RBM44: variants seen among roughly 807,000 people sequenced by gnomAD.
RBM44 encodes RNA-binding protein 44.
A neutral mutation model predicts 105.1 loss-of-function variants in RBM44; 66 were observed. The observed-to-expected ratio is 0.63, with a 90% confidence interval of 0.52 to 0.77. RBM44 has a LOEUF of 0.77. Ranked by LOEUF, RBM44 falls within the 30% of genes least tolerant of loss-of-function variation. The pLI is 0.00. For missense variants in RBM44, 1,122 were observed against 1,207.8 expected (o/e 0.93, Z 1.05); for synonymous variants, 365 against 417.6 (o/e 0.87, Z 1.54).
At chr2:237,836,793 A>G (rs1194055674) in intron 15 of RBM44, among the ~76,000 whole-genome samples, 2 of 152,024 alleles carry the variant, frequency 1.3e-5, no homozygotes, top group African/African-American at 4.8e-5. Context: ...AAAAAAAAAA[A>G]AAAAATTAAA....
At chr2:237,827,533 TTATTATGTG>T in intron 12 of RBM44, 30 bp downstream of exon 12, 1 of 1,210,504 alleles carries the variant, frequency 8.3e-7, no homozygotes, top group Non-Finnish European at 1.2e-6. Context: ...TCAATGTGCA[TTATTATGTG>T]TCTGCTGTTT....
In RBM44 at chr2:237,818,353, C is replaced by T; in HGVS notation, c.1434C>T (p.Phe478=). ...TTAGCACTGATTTTAGGGCTTGTTTCACAACCAGCAGGGCAACAAGTGCAA... is the reference window on the plus strand; with the variant it reads ...TTAGCACTGATTTTAGGGCTTGTTTTACAACCAGCAGGGCAACAAGTGCAA... ...VDVSTDFRAC[F]TTSRATSARP... Residue 478 remains phenylalanine, a synonymous_variant, in exon 3 of 16, where the codon TTC becomes TTT. Transcript: ENST00000316997. This position sits in a 1 kb window ranked among gnomAD's most constrained non-coding sequence, Gnocchi z 4.6. 6.2e-7 allele frequency: 1 copy of T among 1,613,024 alleles called. No individual in the cohort carries two copies.
chr2:237,834,308 G>C lies in RBM44; in HGVS notation c.3063G>C (p.Val1021=). The change falls in exon 15 of 16, where the codon GTG becomes GTC. Residue 1021 remains valine, a synonymous_variant. Coordinates refer to ENST00000316997, the MANE Select transcript of RBM44 (RefSeq NM_001080504.3). ...ATATTATAAATGCACTTCAGGAAGT[G>C]AGAATAAGACATAAAGGTTTTCTGA... ...RDHIINALQE[V]RIRHKGFLNG... The C allele has an allele frequency of 1.3e-6, 2 of 1,581,212 alleles. No homozygotes were observed. The highest frequency in any genetic ancestry group is 1.7e-6 in the Non-Finnish European group (2 of 1,162,838).
chr2:237,817,467 A>G lies in RBM44; in HGVS notation c.548A>G (p.Asp183Gly). ...ACACAAAAGCATGATACAGATGAAGACTCACAGCAGGAATATCACAGTGCA... is the reference window on the plus strand; with the variant it reads ...ACACAAAAGCATGATACAGATGAAGGCTCACAGCAGGAATATCACAGTGCA... ...EDTQKHDTDE[D>G]SQQEYHSAEE... The change falls in exon 3 of 16, where the codon GAC becomes GGC. Residue 183 changes from aspartate (D) to glycine (G), a missense_variant. Physicochemically the swap from Asp to Gly is moderately conservative, Grantham distance 94. This residue lies in a region of RBM44 where 918 missense variants were observed against 955.3 expected (regional missense o/e 0.96). Transcript: ENST00000316997. The G allele has an allele frequency of 1.2e-6, 2 of 1,602,052 alleles. No homozygotes were observed. The highest frequency in any genetic ancestry group is 2.2e-5 in the South Asian group (2 of 89,660).
chr2:237,807,201 T>G (rs771677325), intron 1 of RBM44, among the ~76,000 whole-genome samples: 2 of 152,048 alleles, frequency 1.3e-5, no homozygotes, highest in African/African-American at 2.4e-5. Context: ...CAGGATGGAG[T>G]GCAGTGGTGC....
At chr2:237,822,187 CTT>C (rs1439984342) in intron 8 of RBM44, among the ~76,000 whole-genome samples, 2 of 152,066 alleles carry the variant, frequency 1.3e-5, no homozygotes, top group African/African-American at 4.8e-5. Flanking sequence ...AAAACTAACA[CTT>C]TGTACGTTCA....
rs1559923060 is a variant in RBM44 at position 237,834,267 on chromosome 2, CT to C, written c.3033-6del. Reference sequence around the variant, plus strand: ...AAGACAAATACTCATGTATGTTTTCCTTTTTCATAGAGACCATATTATAAAT... The same window carrying C: ...AAGACAAATACTCATGTATGTTTTCCTTTTCATAGAGACCATATTATAAAT... On this transcript the variant is annotated splice_polypyrimidine_tract_variant and intron_variant, in intron 14 of 15. Coordinates refer to ENST00000316997, the MANE Select transcript of RBM44 (RefSeq NM_001080504.3). 1.3e-6 allele frequency: 2 copies of C among 1,558,710 alleles called. No individual in the cohort carries two copies. Among genetic ancestry groups the C allele is most frequent in the South Asian group, 1.2e-5 (1 of 81,044 alleles).
intron 10 of RBM44, among the ~76,000 whole-genome samples, chr2:237,826,140 C>T (rs573946034): frequency 2.0e-4 from 31 of 152,012 alleles, no homozygotes. Flanking sequence ...TGTTAGGCTA[C>T]TCTTATATAT....
rs774715009 is a variant in RBM44, at chr2:237,839,785, A to G, written c.*23-2054A>G. 6.9e-4 allele frequency among the ~76,000 whole-genome samples: 105 copies of G among 152,250 alleles called. 2 individuals are homozygous for G. The highest frequency in any genetic ancestry group is 3.3e-3 in the Admixed American group (51 of 15,286). ...ATGGACAACAAAAGAAGATACATATATTAGACTTCATCAAAATCAAGAACT... is the reference window on the plus strand; with the variant it reads ...ATGGACAACAAAAGAAGATACATATGTTAGACTTCATCAAAATCAAGAACT... On this transcript the variant is annotated intron_variant, in intron 15 of 15. Transcript: ENST00000316997.
intron 13 of RBM44, among the ~76,000 whole-genome samples, chr2:237,833,232 G>C (rs953700415): frequency 6.6e-6 from 1 of 152,176 alleles, no homozygotes; most frequent in African/African-American, 2.4e-5. Flanking sequence ...CAATAAACAA[G>C]CAAGTGAAAG....
At chr2:237,800,060 A>C (rs2061529887) in intron 1 of RBM44, among the ~76,000 whole-genome samples, 1 of 152,174 alleles carries the variant, frequency 6.6e-6, no homozygotes, top group African/African-American at 2.4e-5. Flanking sequence ...GAAGTGCCAG[A>C]CTTCTCCAGA....
intron 10 of RBM44, 141 bp downstream of exon 10, chr2:237,824,560 GT>G: frequency 1.5e-6 from 1 of 687,380 alleles, no homozygotes; most frequent in Non-Finnish European, 2.3e-6. Context: ...AATAAAAAAA[GT>G]GAGGAAATTG....
intron 2 of RBM44, among the ~76,000 whole-genome samples, chr2:237,816,038 C>T (rs1210439968): frequency 6.6e-6 from 1 of 152,104 alleles, no homozygotes; most frequent in African/African-American, 2.4e-5. Context: ...CTGTCATACT[C>T]GTAAGAGTTC....
chr2:237,805,208 G>A (rs974921205), intron 1 of RBM44, among the ~76,000 whole-genome samples: 1 of 152,128 alleles, frequency 6.6e-6, no homozygotes, highest in Non-Finnish European at 1.5e-5. Context: ...ACAAGGCTGA[G>A]AATGAAATCA....
chr2:237,824,132 T>C lies in RBM44; in HGVS notation c.2321-159T>C, dbSNP rs147200491. ...GCTGAAAGTCTCTTCTCAGAGAATC[T>C]TTTTGCTTGGTTCTCTTATTTTGCT... On this transcript the variant is annotated intron_variant, in intron 9 of 15. Coordinates refer to ENST00000316997, the MANE Select transcript of RBM44 (RefSeq NM_001080504.3). Among the ~76,000 whole-genome samples the C allele has an allele frequency of 6.9e-3, 1,053 of 152,296 alleles. 17 individuals carry two copies. The highest frequency in any genetic ancestry group is 0.025 in the African/African-American group (1,019 of 41,548).
chr2:237,836,131 G>A (rs751140080), intron 15 of RBM44, among the ~76,000 whole-genome samples: 3 of 152,152 alleles, frequency 2.0e-5, no homozygotes, highest in Admixed American at 6.6e-5. Context: ...GGACAGGCAC[G>A]CTCTCTTGTT....
chr2:237,799,627 A>T (rs552918043), intron 1 of RBM44, among the ~76,000 whole-genome samples: 1 of 152,256 alleles, frequency 6.6e-6, no homozygotes, highest in East Asian at 1.9e-4. Context: ...TTTTAAGGAA[A>T]TGGAAAGGAG....
intron 10 of RBM44, 48 bp from the exon 11 acceptor site, chr2:237,827,202 T>C (rs946383054): frequency 9.7e-7 from 1 of 1,031,728 alleles, no homozygotes; most frequent in African/African-American, 1.6e-5. Context: ...CTCTGAAACA[T>C]ATCAGTACAA....
intron 10 of RBM44, 73 bp downstream of exon 10, chr2:237,824,492 T>C: frequency 8.1e-7 from 1 of 1,237,330 alleles, no homozygotes; most frequent in Non-Finnish European, 1.1e-6. Context: ...TGCTTCTGTG[T>C]TGTGTTGGGC....
Sources: gnomAD v4.1 joint callset for allele counts (sites outside exome capture counted in the v4.1 genomes callset) on GRCh38, gnomAD v4.1.1 for gene constraint, gnomAD v4.1.1 regional missense constraint, Gnocchi (gnomAD v3.1) non-coding constraint, MANE v1.5 for transcripts, NCBI Gene and HGNC (gene_info 2026-07-23, HGNC 2026-07-21) for gene names.